HMCN1: variants seen among roughly 807,000 people sequenced by gnomAD.
The protein encoded by HMCN1 is hemicentin-1.
HMCN1 carries 321 observed loss-of-function variants against 625.9 expected under a neutral mutation model. The ratio of observed to expected loss-of-function variants is 0.51; its 90% CI spans 0.47 to 0.56. HMCN1 has a LOEUF of 0.56. Among genes scored for constraint, HMCN1 ranks in the 20% least tolerant of loss-of-function variants. HMCN1 has a pLI of 0.00. For missense variants in HMCN1, 6,588 were observed against 6,887.3 expected, an observed-to-expected ratio of 0.96 and a Z score of 1.54; for synonymous variants, 2,425 against 2,417.6, an observed-to-expected ratio of 1.00 and a Z score of -0.09.
At chr1:185,956,512 G>A (rs1398909703) in intron 11 of HMCN1, among the ~76,000 whole-genome samples, 1 of 152,208 alleles carries the variant, frequency 6.6e-6, no homozygotes, top group Non-Finnish European at 1.5e-5. Context: ...CAGCCATAGG[G>A]TGAGGTATGG....
In HMCN1 at chr1:186,153,840, T is replaced by C. The variant is rs41317505; in HGVS notation, c.15109T>C (p.Tyr5037His). The C allele has an allele frequency of 1.8e-4, 296 of 1,614,176 alleles. No individual in the cohort carries two copies. Among genetic ancestry groups the C allele is most frequent in the Non-Finnish European group, 2.4e-4 (289 of 1,180,020 alleles). The part of the protein sequence containing the change: ...LFTIDGISIP[Y>H]TWNHTVFYDQ... ...CACCATTGATGGCATCAGCATCCCA[T>C]ACACATGGAACCACACCGTTTTCTA... Residue 5037 changes from tyrosine to histidine, a missense_variant, in exon 97 of 107, where the codon TAC (tyrosine) becomes CAC (histidine). By Grantham distance (83) the Tyr-to-His change is moderately conservative. Around this residue, in one of 3 missense-constraint regions of HMCN1, gnomAD observed 1,954 missense variants for 2,013.1 expected, o/e 0.97. Coordinates refer to ENST00000271588, the MANE Select transcript of HMCN1 (RefSeq NM_031935.3).
chr1:185,997,446 G>T lies in HMCN1; in HGVS notation c.3796G>T (p.Asp1266Tyr). The T allele has an allele frequency of 3.7e-6, 6 of 1,610,872 alleles. No homozygotes were observed. Among genetic ancestry groups the T allele is most frequent in the Non-Finnish European group, 5.1e-6 (6 of 1,177,570 alleles). ...LHVQEPPTVE[D>Y]LEPPYNTTFQ... Reference sequence around the variant, plus strand: ...CCTAATAGAACCACCCACAGTGGAAGATCTAGAACCTCCATATAACACTAC... The same window carrying T: ...CCTAATAGAACCACCCACAGTGGAATATCTAGAACCTCCATATAACACTAC... Residue 1266 changes from aspartate (D) to tyrosine (Y), a missense_variant, in exon 25 of 107, where the codon GAT (aspartate) becomes TAT (tyrosine). By Grantham distance (160) the Asp-to-Tyr change is radical (BLOSUM62 -3). This residue lies in a region of HMCN1 where 4,628 missense variants were observed against 4,853.1 expected (regional missense o/e 0.95). Coordinates refer to ENST00000271588, the MANE Select transcript of HMCN1 (RefSeq NM_031935.3).
At chr1:186,175,818 G>A (rs190948386) in intron 103 of HMCN1, among the ~76,000 whole-genome samples, 273 of 147,950 alleles carry the variant, frequency 1.8e-3, no homozygotes, top group Non-Finnish European at 3.2e-3. Flanking sequence ...GGAGGTTGCA[G>A]TGAGCCGAGA....
intron 87 of HMCN1, among the ~76,000 whole-genome samples, chr1:186,137,201 G>T (rs1051782789): frequency 6.6e-6 from 1 of 152,142 alleles, no homozygotes; most frequent in Non-Finnish European, 1.5e-5. Flanking sequence ...CAATGTATAT[G>T]TTTTGCTGCA....
intron 1 of HMCN1, among the ~76,000 whole-genome samples, chr1:185,736,033 C>G (rs778984768): frequency 8.5e-5 from 13 of 152,196 alleles, no homozygotes; most frequent in Non-Finnish European, 1.5e-4. Flanking sequence ...TTGACACAAC[C>G]TCTTCACAAC....
At position 186,189,782 on chromosome 1, in the gene HMCN1, C is replaced by T. The variant is rs754961862; in HGVS notation, c.16812C>T (p.Arg5604=). The T allele has an allele frequency of 6.2e-7, 1 of 1,613,744 alleles. No individual in the cohort carries two copies. The change falls in exon 107 of 107, where the codon CGC becomes CGT. Residue 5604 remains arginine (R), a synonymous_variant. Coordinates refer to ENST00000271588, the MANE Select transcript of HMCN1 (RefSeq NM_031935.3). ...CACTACGAGAAGCAGAGACCTACCG[C>T]ATGAGGGTCCGAGCCTCATCCTACA... is the stretch of plus-strand genomic sequence containing the variant. ...TRPLREAETY[R]MRVRASSYSA...
chr1:185,890,289 G>T (rs1381838702), intron 4 of HMCN1, among the ~76,000 whole-genome samples: 1 of 148,090 alleles, frequency 6.8e-6, no homozygotes, highest in East Asian at 1.9e-4. Context: ...TTTTTGAAAG[G>T]TTTTTTGTGT....
intron 4 of HMCN1, among the ~76,000 whole-genome samples, chr1:185,893,687 T>G (rs1030659295): frequency 3.3e-5 from 5 of 152,224 alleles, no homozygotes; most frequent in African/African-American, 1.2e-4. Context: ...AGTGAAACTA[T>G]TTTAATTAAA....
At chr1:185,883,377 C>T (rs1476275349) in intron 4 of HMCN1, among the ~76,000 whole-genome samples, 2 of 152,032 alleles carry the variant, frequency 1.3e-5, no homozygotes, top group East Asian at 1.9e-4. Context: ...ATTTCAACCA[C>T]CCTTAAAACT....
intron 11 of HMCN1, among the ~76,000 whole-genome samples, chr1:185,946,800 T>G (rs2102522510): frequency 6.6e-6 from 1 of 152,340 alleles, no homozygotes; most frequent in East Asian, 1.9e-4. Context: ...CAAAATTTTG[T>G]ACTAAGAGTT....
In HMCN1 at chr1:186,103,508, A is replaced by C. The variant is rs751216288; in HGVS notation, c.10610A>C (p.Glu3537Ala). 1 of 1,613,486 alleles carries C rather than the reference A, an allele frequency of 6.2e-7. No homozygotes were observed. Among genetic ancestry groups the C allele is most frequent in the Non-Finnish European group, 8.5e-7 (1 of 1,179,592 alleles). ...PHINGSEEHE[E>A]ISVIVNNPLE... The stretch of plus-strand genomic sequence containing the variant: ...ATTAATGGATCTGAAGAACATGAAG[A>C]GATATCAGTAATTGTTAATAACCCA... The change falls in exon 69 of 107, where the codon GAG becomes GCG. Residue 3537 changes from glutamate (E) to alanine (A), a missense_variant. Coordinates refer to ENST00000271588, the MANE Select transcript of HMCN1 (RefSeq NM_031935.3).
In HMCN1 at chr1:186,015,999, A is replaced by G. The variant is rs768107493; in HGVS notation, c.4951A>G (p.Lys1651Glu). 1.9e-6 allele frequency: 3 copies of G among 1,613,200 alleles called. No individual in the cohort carries two copies. In the Admixed American group the frequency reaches 5.0e-5, roughly 27 times the overall value. Reference protein sequence around the residue: ...IEGNLATPLNKQVVIAHSLTL... With the variant: ...IEGNLATPLNEQVVIAHSLTL... ...AGGCAACTTGGCCACGCCTTTGAATAAGCAAGTAGTTATTGCTCATTCTCT... is the reference window on the plus strand; with the variant it reads ...AGGCAACTTGGCCACGCCTTTGAATGAGCAAGTAGTTATTGCTCATTCTCT... The change falls in exon 32 of 107, where the codon AAG (lysine) becomes GAG (glutamate). Residue 1651 changes from lysine to glutamate, a missense_variant. By Grantham distance (56) the Lys-to-Glu change is moderately conservative. This residue lies in a region of HMCN1 where 4,628 missense variants were observed against 4,853.1 expected (regional missense o/e 0.95). Transcript: ENST00000271588.
chr1:186,041,263 A>C (rs1164331579), intron 40 of HMCN1, 127 bp downstream of exon 40: 1 of 857,002 alleles, frequency 1.2e-6, no homozygotes, highest in South Asian at 1.4e-5. Context: ...TTACAGGATC[A>C]ATTCAAATCA....
At chr1:185,906,951 A>ATTTTTTTTTTTTTTTTTT (rs573094693) in intron 4 of HMCN1, among the ~76,000 whole-genome samples, 1 of 108,630 alleles carries the variant, frequency 9.2e-6, no homozygotes. Context: ...AATCCTTTCT[A>ATTTTTTTTTTTTTTTTTT]TTTTTTTTTT....
chr1:186,059,666 A>G (rs1258992537), intron 46 of HMCN1, among the ~76,000 whole-genome samples: 4 of 152,080 alleles, frequency 2.6e-5, no homozygotes, highest in Non-Finnish European at 5.9e-5. Flanking sequence ...TATTTCATTA[A>G]TATTAGTCCT....
chr1:186,083,053 T>G (rs952690297), intron 57 of HMCN1, 92 bp downstream of exon 57: 3 of 640,720 alleles, frequency 4.7e-6, no homozygotes, highest in Non-Finnish European at 8.0e-6. Context: ...TTTGTATTTT[T>G]TAACTTAAAC....
chr1:185,891,851 T>A (rs531417481), intron 4 of HMCN1, among the ~76,000 whole-genome samples: 4 of 148,012 alleles, frequency 2.7e-5, no homozygotes, highest in Non-Finnish European at 5.9e-5. Context: ...AATCTGAACG[T>A]TGGCCTGCCT....
intron 1 of HMCN1, among the ~76,000 whole-genome samples, chr1:185,844,137 A>G (rs1661661984): frequency 6.6e-6 from 1 of 152,176 alleles, no homozygotes; most frequent in Non-Finnish European, 1.5e-5. Flanking sequence ...TTTATATGTC[A>G]GGGTGTAACT....
At chr1:185,750,814 G>A (rs1236928108) in intron 1 of HMCN1, among the ~76,000 whole-genome samples, 1 of 148,610 alleles carries the variant, frequency 6.7e-6, no homozygotes, top group African/African-American at 2.5e-5. Context: ...TCCTACTGTT[G>A]AGTTTTTTTA....
Sources: gnomAD v4.1 joint callset for allele counts (sites outside exome capture counted in the v4.1 genomes callset) on GRCh38, gnomAD v4.1.1 for gene constraint, gnomAD v4.1.1 regional missense constraint, MANE v1.5 for transcripts, NCBI Gene and HGNC (gene_info 2026-07-23, HGNC 2026-07-21) for gene names.